The following ANXA4 variants were observed in gnomAD, a reference collection of about 807,000 sequenced individuals.
ANXA4 encodes the protein 35-beta calcimedin.
Under a neutral mutation model 49.8 loss-of-function variants are expected in ANXA4, and 39 were observed. The ratio of observed to expected loss-of-function variants is 0.78; its 90% CI spans 0.61 to 1.02. ANXA4 has a LOEUF of 1.02. Ranked by LOEUF, ANXA4 falls within the 50% of genes least tolerant of loss-of-function variation. ANXA4 has a pLI of 0.00. For synonymous variants in ANXA4, 134 were observed against 152.5 expected (o/e 0.88, Z 0.89); for missense variants, 360 against 410.1 (o/e 0.88, Z 1.05).
At chr2:69,671,025 C>CAAAAA (rs762968256) in intron 2 of ANXA4, among the ~76,000 whole-genome samples, 20 of 32,480 alleles carry the variant, frequency 6.2e-4, no homozygotes, top group South Asian at 1.3e-3. Flanking sequence ...GACTCCATCT[C>CAAAAA]AAAAAAAAAA....
intron 1 of ANXA4, among the ~76,000 whole-genome samples, chr2:69,772,123 C>T (rs989620081): frequency 6.6e-6 from 1 of 152,224 alleles, no homozygotes; most frequent in African/African-American, 2.4e-5. Context: ...CTGGAACAGT[C>T]CTGATGCTTT....
chr2:69,672,069 G>C (rs1677212300), intron 2 of ANXA4, among the ~76,000 whole-genome samples: 3 of 152,186 alleles, frequency 2.0e-5, no homozygotes, highest in Admixed American at 2.0e-4. Flanking sequence ...TTAAAACATT[G>C]TTTTTATAGC....
intron 2 of ANXA4, among the ~76,000 whole-genome samples, chr2:69,659,426 C>G (rs957833819): frequency 6.6e-6 from 1 of 152,092 alleles, no homozygotes; most frequent in Non-Finnish European, 1.5e-5. Flanking sequence ...TTGTATGCTT[C>G]TCTTATTTAT....
At chr2:69,810,907 CT>C (rs1673678582) in intron 7 of ANXA4, 1 of 527,834 alleles carries the variant, frequency 1.9e-6, no homozygotes, top group Non-Finnish European at 3.4e-6. Flanking sequence ...CCAGGTCCCC[CT>C]GTCACTCAGT....
At chr2:69,763,859 C>T (rs1261566313) in intron 1 of ANXA4, among the ~76,000 whole-genome samples, 2 of 151,920 alleles carry the variant, frequency 1.3e-5, no homozygotes, top group African/African-American at 4.8e-5. Flanking sequence ...GATGGGGTTT[C>T]GCCATGTTGG....
chr2:69,788,837 CAAAAA>C (rs34455712), intron 3 of ANXA4, among the ~76,000 whole-genome samples: 2 of 82,028 alleles, frequency 2.4e-5, no homozygotes, highest in Admixed American at 1.4e-4. Context: ...GACTCCATCT[CAAAAA>C]AAAAAAAAAA....
chr2:69,773,820 C>T (rs534706538), intron 1 of ANXA4, among the ~76,000 whole-genome samples: 2 of 151,420 alleles, frequency 1.3e-5, no homozygotes, highest in South Asian at 2.1e-4. Flanking sequence ...TTAGTAGAGA[C>T]GGGGTTTCAC....
At chr2:69,788,961 G>A (rs551589005) in intron 3 of ANXA4, among the ~76,000 whole-genome samples, 32 of 152,048 alleles carry the variant, frequency 2.1e-4, no homozygotes, top group Non-Finnish European at 3.7e-4. Flanking sequence ...AAACTGGATG[G>A]GGAGGGGCAT....
intron 1 of ANXA4, among the ~76,000 whole-genome samples, chr2:69,651,151 T>C (rs1192931982): frequency 6.6e-6 from 1 of 152,224 alleles, no homozygotes; most frequent in African/African-American, 2.4e-5. Context: ...TCAATCAGTA[T>C]GTAGTGAACT....
intron 1 of ANXA4, among the ~76,000 whole-genome samples, chr2:69,650,705 C>T (rs1004739492): frequency 5.9e-5 from 9 of 152,206 alleles, no homozygotes; most frequent in African/African-American, 1.7e-4. Context: ...CCTCCTCCCT[C>T]GGCCTCCCAA....
chr2:69,804,501 A>T (rs1229778490), intron 3 of ANXA4, 32 bp from the exon 4 acceptor site: 7 of 1,584,742 alleles, frequency 4.4e-6, no homozygotes, highest in Non-Finnish European at 6.1e-6. Flanking sequence ...CTCTCAAATC[A>T]CACTTACCTG....
At chr2:69,737,723 C>A (rs1670279869), upstream of ANXA4, among the ~76,000 whole-genome samples, 1 of 152,128 alleles carries the variant, frequency 6.6e-6, no homozygotes, top group Non-Finnish European at 1.5e-5. Context: ...CTCAGCCTAC[C>A]AAGCAGCAGG....
chr2:69,822,220 G>A (rs1402791238), intron 12 of ANXA4, among the ~76,000 whole-genome samples: 1 of 152,050 alleles, frequency 6.6e-6, no homozygotes. Context: ...AATTAGCCGG[G>A]TGTGGTGGTG....
intron 11 of ANXA4, among the ~76,000 whole-genome samples, chr2:69,820,236 GT>G (rs34277325): frequency 0.23 from 33,056 of 146,222 alleles, 3,896 homozygotes; most frequent in African/African-American, 0.32. Context: ...AGAGGAAAGG[GT>G]TTTTTTTTTT....
At chr2:69,704,060 A>G (rs1427264924) in intron 2 of ANXA4, among the ~76,000 whole-genome samples, 5 of 152,054 alleles carry the variant, frequency 3.3e-5, no homozygotes, top group African/African-American at 9.7e-5. Context: ...GTTTATTTCT[A>G]CAGATGACCC....
chr2:69,770,259 G>GA (rs1671654739), intron 1 of ANXA4, among the ~76,000 whole-genome samples: 1 of 151,798 alleles, frequency 6.6e-6, no homozygotes, highest in Non-Finnish European at 1.5e-5. Context: ...TAAGTTCCAA[G>GA]AAAAAAAGAA....
intron 2 of ANXA4, among the ~76,000 whole-genome samples, chr2:69,671,372 AAC>A (rs1677180063): frequency 6.6e-6 from 1 of 152,228 alleles, no homozygotes; most frequent in East Asian, 1.9e-4. Flanking sequence ...AATAAGAAAC[AAC>A]ACAAGAGAAA....
chr2:69,720,650 GA>G (rs1222513155), intron 2 of ANXA4: 1 of 152,262 alleles, frequency 6.6e-6, no homozygotes, highest in Non-Finnish European at 1.5e-5. Flanking sequence ...AAATTGACCA[GA>G]GGGGGCACAG....
intron 3 of ANXA4, among the ~76,000 whole-genome samples, chr2:69,727,874 A>G (rs980225302): frequency 2.0e-5 from 3 of 152,170 alleles, no homozygotes; most frequent in African/African-American, 4.8e-5. Flanking sequence ...TTTACTTGCC[A>G]TGTCTCCTTA....
Sources: allele counts gnomAD v4.1 joint callset (sites outside exome capture counted in the v4.1 genomes callset), GRCh38; gene constraint gnomAD v4.1.1; transcripts MANE v1.5; gene names NCBI Gene and HGNC (gene_info 2026-07-23, HGNC 2026-07-21).